The following CDH18 variants were observed in gnomAD, a reference collection of about 807,000 sequenced individuals.
CDH18 encodes cadherin 18, also known as cadherin-18.
CDH18 carries 31 observed loss-of-function variants against 67.9 expected under a neutral mutation model. The ratio of observed to expected loss-of-function variants is 0.46; its 90% confidence interval spans 0.34 to 0.62. CDH18 has a LOEUF of 0.62. CDH18 is among the 20% of genes least tolerant of loss of function. The pLI is 0.01. For synonymous variants in CDH18, 362 were observed against 347.2 expected, an observed-to-expected ratio of 1.04 and a Z score of -0.48; for missense variants, 890 against 975.5, an observed-to-expected ratio of 0.91 and a Z score of 1.17.
chr5:19,837,703 G>T (rs1338476595), intron 3 of CDH18, among the ~76,000 whole-genome samples: 4 of 152,100 alleles, frequency 2.6e-5, no homozygotes, highest in African/African-American at 9.7e-5. Context: ...GGAACAGATG[G>T]CTTGTGATCC....
intron 1 of CDH18, among the ~76,000 whole-genome samples, chr5:20,536,986 A>G (rs938094755): frequency 1.3e-5 from 2 of 152,114 alleles, no homozygotes; most frequent in Non-Finnish European, 2.9e-5. Flanking sequence ...CTAATCTAAC[A>G]GTCATATTCT....
intron 2 of CDH18, among the ~76,000 whole-genome samples, chr5:20,190,857 C>G (rs1297143261): frequency 6.6e-6 from 1 of 152,056 alleles, no homozygotes; most frequent in East Asian, 1.9e-4. Flanking sequence ...TTAAAATTCC[C>G]TTTTCCTATT....
chr5:20,349,530 G>A (rs945672593), intron 1 of CDH18, among the ~76,000 whole-genome samples: 1 of 152,060 alleles, frequency 6.6e-6, no homozygotes, highest in African/African-American at 2.4e-5. Flanking sequence ...CAAATGCACA[G>A]ATAAAAGATA....
Position 19,988,195 on chromosome 5 carries a change from A to G in CDH18, c.-485T>C, listed in dbSNP as rs1482008448. 2 of 152,276 alleles carry G rather than the reference A, an allele frequency of 1.3e-5. No individual in the cohort carries two copies. Among genetic ancestry groups the G allele is most frequent in the African/African-American group, 4.8e-5 (2 of 41,562 alleles). 9.4% of individuals were successfully genotyped at this position (152,276 alleles called of 1,614,324 possible). Reference sequence around the variant, plus strand: ...GCTGCTCGCCGTCCTCGGAAAGCCCAGACTCAGGCTCCGCGCACCTCGAGC... The same window carrying G: ...GCTGCTCGCCGTCCTCGGAAAGCCCGGACTCAGGCTCCGCGCACCTCGAGC... On this transcript the variant is annotated 5_prime_UTR_variant, in exon 1 of 13. Transcript: ENST00000382275.
chr5:19,889,975 A>C (rs986358083), intron 2 of CDH18, among the ~76,000 whole-genome samples: 1 of 152,160 alleles, frequency 6.6e-6, no homozygotes, highest in African/African-American at 2.4e-5. Flanking sequence ...ACCATCTAAG[A>C]ATCTTCTGAA....
chr5:20,081,322 TA>T (rs974201508), intron 2 of CDH18, among the ~76,000 whole-genome samples: 3 of 152,174 alleles, frequency 2.0e-5, no homozygotes, highest in African/African-American at 7.2e-5. Flanking sequence ...GTTAGTTAGA[TA>T]ACATGACTCA....
intron 1 of CDH18, among the ~76,000 whole-genome samples, chr5:20,277,834 G>A (rs569922114): frequency 2.6e-4 from 40 of 152,094 alleles, no homozygotes; most frequent in Non-Finnish European, 4.6e-4. Context: ...GATTAAAAAA[G>A]TCAAGCAGAA....
At chr5:20,529,524 C>T (rs528476624) in intron 1 of CDH18, among the ~76,000 whole-genome samples, 2 of 152,160 alleles carry the variant, frequency 1.3e-5, no homozygotes, top group East Asian at 3.9e-4. Flanking sequence ...AGCAGCACGT[C>T]TAAAAGCTTA....
At chr5:20,457,718 C>A (rs933542610) in intron 1 of CDH18, among the ~76,000 whole-genome samples, 1 of 152,096 alleles carries the variant, frequency 6.6e-6, no homozygotes, top group Non-Finnish European at 1.5e-5. Context: ...GCCAGTAGAT[C>A]ATGAATTTAC....
chr5:19,972,807 A>G (rs1030743006), intron 2 of CDH18, among the ~76,000 whole-genome samples: 2 of 152,030 alleles, frequency 1.3e-5, no homozygotes, highest in Non-Finnish European at 2.9e-5. Context: ...TATGTTCTCC[A>G]AAAGTCAAAT....
chr5:20,342,071 T>G lies in CDH18; in HGVS notation c.-579-86566A>C, dbSNP rs181393361. Among the ~76,000 whole-genome samples, 1,516 of 152,248 alleles carry G rather than the reference T, an allele frequency of 1.0e-2. 13 individuals are homozygous for G. Among genetic ancestry groups the G allele is most frequent in the Non-Finnish European group, 0.015 (1,054 of 68,012 alleles). On this transcript the variant is annotated intron_variant, in intron 1 of 14. Transcript: ENST00000507958. ...TGCCCTGAGTAAGAGTTTTGTCTCCTGGAGAGAAAGAGCTGAAATTACGGA... is the reference window on the plus strand; with the variant it reads ...TGCCCTGAGTAAGAGTTTTGTCTCCGGGAGAGAAAGAGCTGAAATTACGGA...
At chr5:20,518,890 T>C (rs1185189045) in intron 1 of CDH18, among the ~76,000 whole-genome samples, 2 of 152,192 alleles carry the variant, frequency 1.3e-5, no homozygotes, top group East Asian at 1.9e-4. Flanking sequence ...TAGTTAAGGA[T>C]AACTTACAAG....
intron 2 of CDH18, among the ~76,000 whole-genome samples, chr5:20,182,073 T>G (rs1737725353): frequency 6.6e-6 from 1 of 152,144 alleles, no homozygotes; most frequent in African/African-American, 2.4e-5. Flanking sequence ...TTGAAAATTA[T>G]TTAAATCTGG....
intron 2 of CDH18, among the ~76,000 whole-genome samples, chr5:20,132,655 GA>G (rs1158781744): frequency 3.3e-5 from 5 of 151,808 alleles, no homozygotes; most frequent in Admixed American, 1.3e-4. Context: ...AGTTACTCTG[GA>G]ATTTATAATA....
chr5:20,171,774 A>C (rs760732597), intron 2 of CDH18, among the ~76,000 whole-genome samples: 4 of 151,758 alleles, frequency 2.6e-5, no homozygotes, highest in Non-Finnish European at 4.4e-5. Context: ...TGGTATCTTC[A>C]TTATGAAATC....
chr5:20,172,232 A>ATACGTG (rs1554098800), intron 2 of CDH18, among the ~76,000 whole-genome samples: 2 of 122,688 alleles, frequency 1.6e-5, no homozygotes, highest in Non-Finnish European at 3.3e-5. Flanking sequence ...ATGTATATAT[A>ATACGTG]TATATATGTA....
chr5:19,803,226 G>A (rs140720642), intron 3 of CDH18, among the ~76,000 whole-genome samples: 137 of 152,210 alleles, frequency 9.0e-4, no homozygotes, highest in East Asian at 2.7e-3. Flanking sequence ...CCCAGTCTTC[G>A]TAACATTTTT....
intron 2 of CDH18, among the ~76,000 whole-genome samples, chr5:19,927,107 G>A (rs146470645): frequency 6.6e-6 from 1 of 152,060 alleles, no homozygotes; most frequent in Non-Finnish European, 1.5e-5. Flanking sequence ...GATTATATTT[G>A]TAATAGTAAT....
chr5:19,770,783 T>G (rs993783870), intron 3 of CDH18, among the ~76,000 whole-genome samples: 2 of 152,232 alleles, frequency 1.3e-5, no homozygotes, highest in African/African-American at 4.8e-5. Context: ...TCTGCCATTT[T>G]GCTGTTTTTG....
Sources: allele counts gnomAD v4.1 joint callset (sites outside exome capture counted in the v4.1 genomes callset), GRCh38; gene constraint gnomAD v4.1.1; transcripts MANE v1.5; gene names NCBI Gene and HGNC (gene_info 2026-07-23, HGNC 2026-07-21).